Variants in SLCO5A1 observed in about 807,000 individuals in gnomAD.
SLCO5A1 encodes the protein organic anion transporter polypeptide-related protein 4.
SLCO5A1 carries 39 observed loss-of-function variants against 65.1 expected under a neutral mutation model. The ratio of observed to expected loss-of-function variants is 0.60; its 90% CI spans 0.46 to 0.78. The LOEUF (loss-of-function observed/expected upper bound fraction) is 0.78. SLCO5A1 is among the 30% of genes least tolerant of loss of function. SLCO5A1 has a pLI of 0.00. For missense variants in SLCO5A1, 1,029 were observed against 1,069.4 expected, an observed-to-expected ratio of 0.96 and a Z score of 0.53; for synonymous variants, 438 against 415.7, an observed-to-expected ratio of 1.05 and a Z score of -0.65.
chr8:69,704,934 G>T, intron 6 of SLCO5A1, 97 bp downstream of exon 6: 4 of 1,111,168 alleles, frequency 3.6e-6, no homozygotes, highest in South Asian at 1.4e-5. Context: ...AGAACAGCTT[G>T]GAGGGAGGGG....
chr8:69,763,826 C>A (rs1403868106), intron 2 of SLCO5A1, among the ~76,000 whole-genome samples: 2 of 151,748 alleles, frequency 1.3e-5, no homozygotes, highest in African/African-American at 4.8e-5. Flanking sequence ...CATTCCAAAC[C>A]TAATTTTTTC....
intron 2 of SLCO5A1, among the ~76,000 whole-genome samples, chr8:69,826,373 C>T (rs1056925387): frequency 2.6e-5 from 4 of 151,658 alleles, no homozygotes; most frequent in Non-Finnish European, 5.9e-5. Flanking sequence ...ATTTTCGCAA[C>T]CTACTCATCT....
chr8:69,684,258 G>A (rs75731771), intron 6 of SLCO5A1, among the ~76,000 whole-genome samples: 11,694 of 152,188 alleles, frequency 0.077, 462 homozygotes, highest in Non-Finnish European at 0.088. Context: ...CTTTGGCAAC[G>A]TCAGGAGACA....
intron 2 of SLCO5A1, among the ~76,000 whole-genome samples, chr8:69,788,262 C>T (rs1293167682): frequency 1.3e-5 from 2 of 152,100 alleles, no homozygotes; most frequent in Non-Finnish European, 2.9e-5. Context: ...TTTATGTTTA[C>T]TCTACCATTA....
Position 69,693,607 on chromosome 8 carries a change from G to A in SLCO5A1, c.1623-11264C>T, listed in dbSNP as rs118135146. On this transcript the variant is annotated intron_variant, in intron 6 of 9. Transcript: ENST00000260126. ...AAACCTAATTTCAAACCCTAGCTCAGCCATTTTCTAGCTGTTTGACTTCAA... is the reference window on the plus strand; with the variant it reads ...AAACCTAATTTCAAACCCTAGCTCAACCATTTTCTAGCTGTTTGACTTCAA... 9.1e-3 allele frequency among the ~76,000 whole-genome samples: 1,383 copies of A among 152,220 alleles called. 4 individuals are homozygous for A. The highest frequency in any genetic ancestry group is 0.016 in the Non-Finnish European group (1,107 of 68,008).
rs757561481 is a variant in SLCO5A1 at position 69,673,269 on chromosome 8, C to G, written c.2147G>C (p.Trp716Ser). The G allele has an allele frequency of 6.2e-7, 1 of 1,614,208 alleles. No individual in the cohort carries two copies. The highest frequency in any genetic ancestry group is 8.5e-7 in the Non-Finnish European group (1 of 1,180,044). ...ACCCTGCACACCACATTCCTGTTGC[C>G]AGAGCATGCAGGTGGTGTCAATGAC... ...GAVIDTTCML[W>S]QQECGVQGSC... The change falls in exon 10 of 10, where the codon TGG becomes TCG. Residue 716 changes from tryptophan to serine, a missense_variant. Around this residue, in one of 3 missense-constraint regions of SLCO5A1, gnomAD observed 258 missense variants for 237.4 expected, o/e 1.09. Transcript: ENST00000260126.
intron 2 of SLCO5A1, among the ~76,000 whole-genome samples, chr8:69,825,291 G>A (rs980714282): frequency 1.3e-5 from 2 of 152,124 alleles, no homozygotes; most frequent in Non-Finnish European, 2.9e-5. Context: ...CAATCAGGCA[G>A]GAGAAGGAAA....
chr8:69,770,033 A>G lies in SLCO5A1; in HGVS notation c.908-8158T>C, dbSNP rs966458738. 6.6e-5 allele frequency among the ~76,000 whole-genome samples: 10 copies of G among 152,250 alleles called. No homozygotes were observed. In the East Asian group the frequency reaches 1.9e-3, roughly 29 times the overall value. On this transcript the variant is annotated intron_variant, in intron 2 of 9. Transcript: ENST00000260126. Reference sequence around the variant, plus strand: ...TACTATTCATGTATTCATCTACTGTATAAACTTTTTAAATAGTTAGATTAC... The same window carrying G: ...TACTATTCATGTATTCATCTACTGTGTAAACTTTTTAAATAGTTAGATTAC...
At chr8:69,825,172 T>C (rs1260267502) in intron 2 of SLCO5A1, among the ~76,000 whole-genome samples, 1 of 152,162 alleles carries the variant, frequency 6.6e-6, no homozygotes, top group Non-Finnish European at 1.5e-5. Flanking sequence ...GCCAATATCA[T>C]ACTGAATGGG....
rs184629434 is a variant in SLCO5A1, at chr8:69,735,715, G to T, written c.1423+2325C>A. On this transcript the variant is annotated intron_variant, in intron 5 of 9. Coordinates refer to ENST00000260126, the MANE Select transcript of SLCO5A1 (RefSeq NM_030958.3). ...GCATCAGGGAAAATAGCTAATGCATGTGGGGCTTAATACCCAGGTGATGGG... is the reference window on the plus strand; with the variant it reads ...GCATCAGGGAAAATAGCTAATGCATTTGGGGCTTAATACCCAGGTGATGGG... 5.7e-4 allele frequency among the ~76,000 whole-genome samples: 85 copies of T among 149,002 alleles called. 3 individuals are homozygous for T. The highest frequency in any genetic ancestry group is 1.8e-3 in the African/African-American group (70 of 38,942).
Position 69,711,492 on chromosome 8 carries a change from T to C in SLCO5A1, c.1424-6263A>G, listed in dbSNP as rs138801214. 1.5e-3 allele frequency among the ~76,000 whole-genome samples: 226 copies of C among 152,206 alleles called. 5 individuals are homozygous for C. The highest frequency in any genetic ancestry group is 4.6e-3 in the African/African-American group (193 of 41,530). On this transcript the variant is annotated intron_variant, in intron 5 of 9. Coordinates refer to ENST00000260126, the MANE Select transcript of SLCO5A1 (RefSeq NM_030958.3). ...ATGGATACCCAAGGACACTTCCATA[T>C]GTTCGGTGGGGAGGGCAAGGGGGGC...
At chr8:69,705,010 C>T (rs768465801) in intron 6 of SLCO5A1, 21 bp downstream of exon 6, 132 of 1,603,020 alleles carry the variant, frequency 8.2e-5, no homozygotes, top group Non-Finnish European at 1.1e-4. Context: ...AGACACGACA[C>T]GGCTCTTAAG....
chr8:69,784,769 C>A (rs1017659027), intron 2 of SLCO5A1, among the ~76,000 whole-genome samples: 1 of 112,588 alleles, frequency 8.9e-6, no homozygotes, highest in Admixed American at 9.7e-5. Context: ...GCCTGGGCAA[C>A]AGAGCAAGAC....
chr8:69,733,379 A>G (rs1299522180), intron 5 of SLCO5A1, among the ~76,000 whole-genome samples: 1 of 152,226 alleles, frequency 6.6e-6, no homozygotes, highest in Non-Finnish European at 1.5e-5. Flanking sequence ...AGAGAGAGAC[A>G]GGGGAGAGAC....
intron 6 of SLCO5A1, among the ~76,000 whole-genome samples, chr8:69,682,639 T>G (rs1318357623): frequency 6.6e-6 from 1 of 152,208 alleles, no homozygotes; most frequent in Non-Finnish European, 1.5e-5. Flanking sequence ...ATCTGGGCTC[T>G]GCAATTCCAA....
At chr8:69,816,208 G>A (rs968608149) in intron 2 of SLCO5A1, among the ~76,000 whole-genome samples, 9 of 152,104 alleles carry the variant, frequency 5.9e-5, no homozygotes, top group African/African-American at 1.7e-4. Flanking sequence ...TCTGGACATC[G>A]TAGGATGTTT....
intron 7 of SLCO5A1, among the ~76,000 whole-genome samples, chr8:69,681,805 C>G (rs766935997): frequency 6.6e-6 from 1 of 152,104 alleles, no homozygotes; most frequent in Non-Finnish European, 1.5e-5. Flanking sequence ...AGGGGAGGTG[C>G]TTTCCTATAC....
At chr8:69,692,633 C>CTT (rs143527865) in intron 6 of SLCO5A1, among the ~76,000 whole-genome samples, 1 of 152,060 alleles carries the variant, frequency 6.6e-6, no homozygotes, top group African/African-American at 2.4e-5. Flanking sequence ...AAACTGTTTT[C>CTT]TTTTTTTGCC....
chr8:69,685,572 T>C (rs948312936), intron 6 of SLCO5A1, among the ~76,000 whole-genome samples: 4 of 152,338 alleles, frequency 2.6e-5, no homozygotes, highest in African/African-American at 4.8e-5. Context: ...GCACGGGGCC[T>C]CGATAGCAAT....
Sources: allele counts gnomAD v4.1 joint callset (sites outside exome capture counted in the v4.1 genomes callset), GRCh38; gene constraint gnomAD v4.1.1; regional missense constraint gnomAD v4.1.1; transcripts MANE v1.5; gene names NCBI Gene and HGNC (gene_info 2026-07-23, HGNC 2026-07-21).